The following TIA1 variants were observed in gnomAD, a reference collection of about 807,000 sequenced individuals.
TIA1 encodes TIA1 cytotoxic granule associated RNA binding protein.
In TIA1, 23 loss-of-function variants were observed where a neutral mutation model predicts 65.9. That is an observed-to-expected ratio of 0.35 (90% CI 0.25 to 0.49). TIA1 has a LOEUF of 0.49. Ranked by LOEUF, TIA1 falls within the 20% of genes least tolerant of loss-of-function variation. TIA1 has a pLI of 0.98. For synonymous variants in TIA1, 147 were observed against 149.4 expected (o/e 0.98, Z 0.12); for missense variants, 371 against 477.9 (o/e 0.78, Z 2.09).
intron 7 of TIA1, among the ~76,000 whole-genome samples, chr2:70,221,797 A>AT (rs1373591790): frequency 3.5e-5 from 5 of 141,066 alleles, no homozygotes; most frequent in East Asian, 2.2e-4. Context: ...TTAAAAAAAA[A>AT]ATTTTTTTTT....
intron 1 of TIA1, among the ~76,000 whole-genome samples, chr2:70,239,190 T>C (rs1396057247): frequency 6.6e-6 from 1 of 152,174 alleles, no homozygotes; most frequent in Admixed American, 6.5e-5. Flanking sequence ...CCTCCTGAGT[T>C]CACGCCATTC....
Position 70,245,989 on chromosome 2 carries a change from C to G in TIA1, c.26+2416G>C, listed in dbSNP as rs1167131062. Reference sequence around the variant, plus strand: ...CACAGGCTGGAGTGCAATGGCGCAACCTCGGCTCACTGCAACCTCCACCTC... The same window carrying G: ...CACAGGCTGGAGTGCAATGGCGCAAGCTCGGCTCACTGCAACCTCCACCTC... On this transcript the variant is annotated intron_variant, in intron 1 of 12. Coordinates refer to ENST00000433529, the MANE Select transcript of TIA1 (RefSeq NM_022173.4). Among the ~76,000 whole-genome samples the G allele has an allele frequency of 5.4e-5, 8 of 147,752 alleles. No homozygotes were observed. The South Asian group carries it at 8.5e-4, about 16-fold the overall frequency.
chr2:70,238,356 C>T (rs1690080709), intron 1 of TIA1, among the ~76,000 whole-genome samples: 1 of 145,064 alleles, frequency 6.9e-6, no homozygotes, highest in African/African-American at 2.6e-5. Context: ...TTGCAACCTC[C>T]ACCTCCCAGG....
intron 11 of TIA1, chr2:70,215,133 G>T: frequency 4.1e-6 from 2 of 483,184 alleles, no homozygotes; most frequent in Non-Finnish European, 7.3e-6. Context: ...ACCCTTTTAG[G>T]TTTCTCGGAG....
intron 12 of TIA1, among the ~76,000 whole-genome samples, chr2:70,213,591 C>T (rs1284911523): frequency 6.6e-6 from 1 of 151,812 alleles, no homozygotes; most frequent in Non-Finnish European, 1.5e-5. Context: ...TCAAGTGATC[C>T]GCCTGCCTTG....
chr2:70,229,437 C>A, intron 3 of TIA1, 119 bp from the exon 4 acceptor site: 1 of 828,838 alleles, frequency 1.2e-6, no homozygotes, highest in Admixed American at 2.6e-5. Context: ...GAGATACCAG[C>A]TCTGGTCAAG....
At chr2:70,222,112 C>T (rs1681665979) in intron 7 of TIA1, among the ~76,000 whole-genome samples, 1 of 151,350 alleles carries the variant, frequency 6.6e-6, no homozygotes. Context: ...CTCAATAAAG[C>T]TGCTGTTAAA....
At chr2:70,222,043 G>A (rs562874147) in intron 7 of TIA1, among the ~76,000 whole-genome samples, 2 of 151,986 alleles carry the variant, frequency 1.3e-5, no homozygotes. Flanking sequence ...GTCTCCCAAA[G>A]TGCTGGGATT....
intron 1 of TIA1, among the ~76,000 whole-genome samples, chr2:70,243,971 AC>A (rs1300576316): frequency 1.1e-4 from 17 of 152,052 alleles, no homozygotes; most frequent in African/African-American, 3.6e-4. Flanking sequence ...TCTGCGTGAA[AC>A]CCACTTACAG....
intron 2 of TIA1, among the ~76,000 whole-genome samples, chr2:70,231,800 A>T (rs1162753737): frequency 6.6e-6 from 1 of 152,222 alleles, no homozygotes; most frequent in East Asian, 1.9e-4. Flanking sequence ...AAATATAGGT[A>T]AATAGGCTCT....
intron 5 of TIA1, 148 bp downstream of exon 5, chr2:70,228,911 G>T: frequency 6.8e-7 from 1 of 1,478,794 alleles, no homozygotes; most frequent in African/African-American, 1.4e-5. Flanking sequence ...GGTCAACACT[G>T]AGAAGGGAGA....
chr2:70,223,885 T>C (rs1682664267), intron 7 of TIA1, among the ~76,000 whole-genome samples: 1 of 152,050 alleles, frequency 6.6e-6, no homozygotes, highest in Non-Finnish European at 1.5e-5. Flanking sequence ...TAATATTTAA[T>C]TTTTTAAAAA....
At chr2:70,231,686 C>T (rs1026928440) in intron 2 of TIA1, among the ~76,000 whole-genome samples, 1 of 152,178 alleles carries the variant, frequency 6.6e-6, no homozygotes, top group Non-Finnish European at 1.5e-5. Context: ...TATCCCCTCC[C>T]TGTTATAAGT....
chr2:70,215,888 ACAGGCATGCACCGCCATG>A (rs2103922222), intron 10 of TIA1, among the ~76,000 whole-genome samples: 1 of 152,224 alleles, frequency 6.6e-6, no homozygotes, highest in East Asian at 1.9e-4. Context: ...AGCTGTGATT[ACAGGCATGCACCGCCATG>A]CCGGCTAATT....
chr2:70,227,086 G>A (rs534770089), intron 6 of TIA1, among the ~76,000 whole-genome samples: 4 of 152,150 alleles, frequency 2.6e-5, no homozygotes, highest in East Asian at 1.9e-4. Flanking sequence ...AGAAAGTACT[G>A]TAAACAACTT....
chr2:70,244,665 C>T (rs535717431), intron 1 of TIA1, among the ~76,000 whole-genome samples: 1 of 151,814 alleles, frequency 6.6e-6, no homozygotes, highest in South Asian at 2.1e-4. Flanking sequence ...GAAACTGTGT[C>T]TCTACTACAA....
At chr2:70,238,820 G>A (rs1012534156) in intron 1 of TIA1, among the ~76,000 whole-genome samples, 4 of 152,136 alleles carry the variant, frequency 2.6e-5, no homozygotes, top group Non-Finnish European at 4.4e-5. Context: ...GGAGGCCAAG[G>A]TGGAAAGATC....
At chr2:70,230,606 T>A in intron 3 of TIA1, 150 bp downstream of exon 3, 1 of 558,766 alleles carries the variant, frequency 1.8e-6, no homozygotes, top group Non-Finnish European at 3.1e-6. Context: ...GAGCCAAGAC[T>A]GTGCCATTGC....
At chr2:70,224,454 G>T in intron 7 of TIA1, 100 bp downstream of exon 7, 1 of 1,509,918 alleles carries the variant, frequency 6.6e-7, no homozygotes, top group Non-Finnish European at 9.0e-7. Flanking sequence ...TTAATCATCA[G>T]TAAAATAAAC....
Sources: gnomAD v4.1 joint callset for allele counts (sites outside exome capture counted in the v4.1 genomes callset) on GRCh38, gnomAD v4.1.1 for gene constraint, MANE v1.5 for transcripts, NCBI Gene and HGNC (gene_info 2026-07-23, HGNC 2026-07-21) for gene names.